The following CNTN4 variants were observed in gnomAD, a reference collection of about 807,000 sequenced individuals.
CNTN4 encodes the protein contactin 4, also known as contactin-4.
A neutral mutation model predicts 122.5 loss-of-function variants in CNTN4; 77 were observed. The observed-to-expected ratio is 0.63, with a 90% CI of 0.52 to 0.76. The LOEUF is 0.76. Ranked by LOEUF, CNTN4 falls within the 30% of genes least tolerant of loss-of-function variation. The probability of loss-of-function intolerance (pLI) is 0.00; values close to 1 mark genes in which losing one functional copy is unlikely to be tolerated. For missense variants in CNTN4, 1,256 were observed against 1,259.1 expected (o/e 1.00, Z 0.04); for synonymous variants, 512 against 447.0 (o/e 1.15, Z -1.83).
intron 2 of CNTN4, among the ~76,000 whole-genome samples, chr3:2,107,548 C>A (rs1317973148): frequency 6.6e-6 from 1 of 152,088 alleles, no homozygotes; most frequent in Non-Finnish European, 1.5e-5. Context: ...CCAGTCACCT[C>A]CCAATCACCA....
Position 3,040,207 on chromosome 3 carries a change from T to A in CNTN4, c.2334T>A (p.Gly778=), listed in dbSNP as rs759371898. ...TCTCTCCCTTTGAGGTTAAAGTAGG[T>A]GTCTTCAACAACAAAGGAGAAGGCC... The part of the protein sequence containing the change: ...HPFSPFEVKV[G]VFNNKGEGPF... Residue 778 remains glycine, a synonymous_variant, in exon 20 of 25, where the codon GGT becomes GGA. Coordinates refer to ENST00000418658, the MANE Select transcript of CNTN4 (RefSeq NM_175607.3). 6.2e-7 allele frequency: 1 copy of A among 1,614,234 alleles called. No homozygotes were observed. Among genetic ancestry groups the A allele is most frequent in the South Asian group, 1.1e-5 (1 of 91,084 alleles).
chr3:2,705,974 T>A (rs1465704225), intron 4 of CNTN4, among the ~76,000 whole-genome samples: 3 of 133,456 alleles, frequency 2.2e-5, no homozygotes, highest in Non-Finnish European at 4.6e-5. Context: ...AAAATATATA[T>A]TATATAAAAT....
intron 13 of CNTN4, among the ~76,000 whole-genome samples, chr3:2,929,812 A>C (rs1051902234): frequency 1.3e-5 from 2 of 152,160 alleles, no homozygotes; most frequent in Non-Finnish European, 2.9e-5. Context: ...GCCCATCTCA[A>C]ACCACATGGA....
At chr3:2,196,906 T>G (rs1026504344) in intron 2 of CNTN4, among the ~76,000 whole-genome samples, 2 of 151,488 alleles carry the variant, frequency 1.3e-5, no homozygotes, top group African/African-American at 4.9e-5. Flanking sequence ...TAGCCAGGCA[T>G]GGTGGTGCAT....
intron 3 of CNTN4, among the ~76,000 whole-genome samples, chr3:2,525,769 G>T (rs898295519): frequency 6.6e-6 from 1 of 152,110 alleles, no homozygotes; most frequent in African/African-American, 2.4e-5. Flanking sequence ...ATGTAGAGGT[G>T]AATATTGCAG....
intron 3 of CNTN4, among the ~76,000 whole-genome samples, chr3:2,356,257 G>A (rs796080373): frequency 7.9e-5 from 12 of 152,272 alleles, no homozygotes; most frequent in African/African-American, 1.4e-4. Flanking sequence ...ATAAGAGAAT[G>A]GCTACTCCAT....
intron 6 of CNTN4, among the ~76,000 whole-genome samples, chr3:2,794,272 C>G (rs1490111081): frequency 2.0e-5 from 3 of 152,168 alleles, no homozygotes; most frequent in Non-Finnish European, 4.4e-5. Flanking sequence ...GCAGGAAGCT[C>G]TGCTGCAGCA....
chr3:2,882,991 T>A (rs749049011), intron 8 of CNTN4, 154 bp from the exon 9 acceptor site: 109 of 615,696 alleles, frequency 1.8e-4, no homozygotes, highest in Non-Finnish European at 2.8e-4. Flanking sequence ...GAGCCACAAT[T>A]CATGACTGCT....
At chr3:2,707,596 T>C (rs2086818979) in intron 4 of CNTN4, among the ~76,000 whole-genome samples, 1 of 152,008 alleles carries the variant, frequency 6.6e-6, no homozygotes, top group Admixed American at 6.6e-5. Flanking sequence ...GCAGTTTTTG[T>C]TATTTTAACT....
chr3:2,496,017 A>G (rs2076443505), intron 3 of CNTN4, among the ~76,000 whole-genome samples: 1 of 152,186 alleles, frequency 6.6e-6, no homozygotes, highest in South Asian at 2.1e-4. Context: ...TTTATGCACA[A>G]GCGGGCTCAG....
chr3:2,151,250 G>A (rs2035483478), intron 2 of CNTN4, among the ~76,000 whole-genome samples: 1 of 152,046 alleles, frequency 6.6e-6, no homozygotes, highest in South Asian at 2.1e-4. Context: ...TTGACTATGT[G>A]GAAATATGAT....
intron 3 of CNTN4, among the ~76,000 whole-genome samples, chr3:2,469,718 C>T (rs2075619929): frequency 6.6e-6 from 1 of 152,136 alleles, no homozygotes; most frequent in Non-Finnish European, 1.5e-5. Context: ...AAAAACAGGC[C>T]TTCCATTCTC....
intron 7 of CNTN4, among the ~76,000 whole-genome samples, chr3:2,825,553 G>T (rs1382000219): frequency 6.6e-6 from 1 of 152,144 alleles, no homozygotes; most frequent in African/African-American, 2.4e-5. Flanking sequence ...GCCAAGTGTG[G>T]TGGTGTGTGC....
chr3:3,014,879 G>GTTTTTTTTTT lies in CNTN4; in HGVS notation c.1487-11214_1487-11205dup, dbSNP rs5846238. On this transcript the variant is annotated intron_variant, in intron 14 of 24. Coordinates refer to ENST00000418658, the MANE Select transcript of CNTN4 (RefSeq NM_175607.3). The stretch of plus-strand genomic sequence containing the variant: ...TTTATACTTGCGTGACCCTCGATTG[G>GTTTTTTTTTT]TTTTTTTTTTTTTTTTTTCTCTTTG... 3.3e-5 allele frequency among the ~76,000 whole-genome samples: 4 copies of GTTTTTTTTTT among 121,544 alleles called. 1 individual carries two copies. Among genetic ancestry groups the GTTTTTTTTTT allele is most frequent in the Non-Finnish European group, 5.0e-5 (3 of 60,008 alleles). The allele number at this position is 121,544 out of a possible 152,430, so 79.7% of individuals were successfully genotyped here. A position where few individuals can be genotyped will look rare whatever the true frequency, so the allele number is the denominator to read the frequency against.
intron 4 of CNTN4, among the ~76,000 whole-genome samples, chr3:2,684,718 G>T (rs892217283): frequency 6.6e-6 from 1 of 152,110 alleles, no homozygotes; most frequent in African/African-American, 2.4e-5. Flanking sequence ...ATTTTTCAAA[G>T]TACTTACATA....
chr3:2,211,162 A>T (rs2149439999), intron 2 of CNTN4, among the ~76,000 whole-genome samples: 1 of 152,260 alleles, frequency 6.6e-6, no homozygotes, highest in Admixed American at 6.5e-5. Context: ...GAGCAGGCAC[A>T]TCATATGTCA....
At chr3:2,429,105 G>A (rs1197250645) in intron 3 of CNTN4, among the ~76,000 whole-genome samples, 1 of 152,162 alleles carries the variant, frequency 6.6e-6, no homozygotes, top group South Asian at 2.1e-4. Flanking sequence ...CTCCATCCAG[G>A]TTTGTTCCAT....
At chr3:2,126,270 C>T (rs1323126010) in intron 2 of CNTN4, among the ~76,000 whole-genome samples, 4 of 152,148 alleles carry the variant, frequency 2.6e-5, no homozygotes, top group Non-Finnish European at 5.9e-5. Flanking sequence ...GTCCATACTG[C>T]ATATAGCTCC....
chr3:2,289,447 A>C (rs2042054351), intron 2 of CNTN4, among the ~76,000 whole-genome samples: 1 of 152,244 alleles, frequency 6.6e-6, no homozygotes, highest in Admixed American at 6.5e-5. Context: ...TATAAGGATT[A>C]AATGGATAGT....
Sources: allele counts gnomAD v4.1 joint callset (sites outside exome capture counted in the v4.1 genomes callset), GRCh38; gene constraint gnomAD v4.1.1; transcripts MANE v1.5; gene names NCBI Gene and HGNC (gene_info 2026-07-23, HGNC 2026-07-21).